The following CAMTA1 variants were observed in gnomAD, a reference collection of about 807,000 sequenced individuals.
The protein encoded by CAMTA1 is calmodulin binding transcription activator 1.
Under a neutral mutation model 170.9 loss-of-function variants are expected in CAMTA1, and 27 were observed. The ratio of observed to expected loss-of-function variants is 0.16; its 90% CI spans 0.12 to 0.22. The LOEUF is 0.22. CAMTA1 is among the 10% of genes least tolerant of loss of function. CAMTA1 has a pLI of 1.00. For synonymous variants in CAMTA1, 833 were observed against 891.5 expected (o/e 0.93, Z 1.17); for missense variants, 1,619 against 2,217.2 (o/e 0.73, Z 5.42).
chr1:7,240,456 T>C (rs1161842477), intron 4 of CAMTA1, among the ~76,000 whole-genome samples: 46 of 152,138 alleles, frequency 3.0e-4, no homozygotes, highest in Admixed American at 3.0e-3. Context: ...TTCAGTCGAA[T>C]GTTGATGTTC....
intron 3 of CAMTA1, among the ~76,000 whole-genome samples, chr1:7,078,091 C>T (rs116770237): frequency 1.3e-4 from 20 of 152,250 alleles, no homozygotes; most frequent in African/African-American, 4.8e-4. Context: ...ACACAAAGAC[C>T]AAGTGGATGC....
In CAMTA1 at chr1:7,173,684, A is replaced by G. The variant is rs1304612529; in HGVS notation, c.303-75807A>G. 6.7e-6 allele frequency among the ~76,000 whole-genome samples: 1 copy of G among 149,024 alleles called. No homozygotes were observed. Among genetic ancestry groups the G allele is most frequent in the African/African-American group, 2.5e-5 (1 of 40,384 alleles). Reference sequence around the variant, plus strand: ...ATTACAGGCGTGAGCCACCGTGCCCAGCCCAGAGCTTAATTTTTTTTTTTA... The same window carrying G: ...ATTACAGGCGTGAGCCACCGTGCCCGGCCCAGAGCTTAATTTTTTTTTTTA... On this transcript the variant is annotated intron_variant, in intron 4 of 22. Transcript: ENST00000303635. This position sits in a 1 kb window ranked among gnomAD's most constrained non-coding sequence, Gnocchi z 5.4.
rs563427144 is a variant in CAMTA1 at position 6,831,978 on chromosome 1, C to T, written c.234+6768C>T. Among the ~76,000 whole-genome samples, 35 of 152,230 alleles carry T rather than the reference C, an allele frequency of 2.3e-4. 1 individual carries two copies. The highest frequency in any genetic ancestry group is 7.9e-4 in the African/African-American group (33 of 41,556). On this transcript the variant is annotated intron_variant, in intron 3 of 22. Coordinates refer to ENST00000303635, the MANE Select transcript of CAMTA1 (RefSeq NM_015215.4). ...TCTTTAAAAATCTTGAGTACTTTTT[C>T]CCCCTAACTTTTTATATTTAGGTAA...
intron 3 of CAMTA1, among the ~76,000 whole-genome samples, chr1:6,878,850 A>G (rs1670666851): frequency 6.6e-6 from 1 of 152,158 alleles, no homozygotes; most frequent in Non-Finnish European, 1.5e-5. Context: ...CACACATGTC[A>G]TTTTCAGGCA....
chr1:6,899,554 GCACA>G (rs70984034), intron 3 of CAMTA1, among the ~76,000 whole-genome samples: 10,927 of 141,060 alleles, frequency 0.077, 516 homozygotes, highest in African/African-American at 0.14. Context: ...ACGCGCGCGC[GCACA>G]CACACACACA....
chr1:7,121,198 C>T (rs942524631), intron 4 of CAMTA1, among the ~76,000 whole-genome samples: 22 of 152,202 alleles, frequency 1.4e-4, no homozygotes, highest in African/African-American at 5.3e-4. Flanking sequence ...GGCTTTTTGC[C>T]AGGGCTGGCC....
chr1:7,539,792 C>T (rs780387028), intron 6 of CAMTA1, among the ~76,000 whole-genome samples: 6 of 152,234 alleles, frequency 3.9e-5, no homozygotes, highest in Non-Finnish European at 7.3e-5. Context: ...GCAGGGCCAA[C>T]GTGGAAGGTG....
At chr1:7,023,418 G>A (rs1701635764) in intron 3 of CAMTA1, among the ~76,000 whole-genome samples, 2 of 152,188 alleles carry the variant, frequency 1.3e-5, no homozygotes, top group Admixed American at 6.5e-5. Flanking sequence ...AAGCAGACTA[G>A]CAAATTGACC....
chr1:7,513,474 G>A (rs1245439422), intron 6 of CAMTA1, among the ~76,000 whole-genome samples: 9 of 152,068 alleles, frequency 5.9e-5, no homozygotes, highest in South Asian at 2.1e-4. Flanking sequence ...TCAAGGGGTC[G>A]GTTCCTTCCG....
intron 3 of CAMTA1, among the ~76,000 whole-genome samples, chr1:6,993,884 C>T (rs949923869): frequency 3.9e-5 from 6 of 152,054 alleles, no homozygotes; most frequent in African/African-American, 4.8e-5. Flanking sequence ...CCTACCATGT[C>T]GACATATATT....
intron 3 of CAMTA1, among the ~76,000 whole-genome samples, chr1:6,839,118 C>G (rs1654591090): frequency 6.6e-6 from 1 of 151,978 alleles, no homozygotes; most frequent in African/African-American, 2.4e-5. Context: ...TATGGTGGCT[C>G]ACGCCTGTAA....
At chr1:7,616,748 C>T (rs2095561663) in intron 6 of CAMTA1, among the ~76,000 whole-genome samples, 1 of 152,138 alleles carries the variant, frequency 6.6e-6, no homozygotes. Flanking sequence ...GACGGGGCCC[C>T]CCCACCAGAG....
chr1:7,415,344 A>G (rs2091085798), intron 5 of CAMTA1, among the ~76,000 whole-genome samples: 1 of 151,202 alleles, frequency 6.6e-6, no homozygotes, highest in Non-Finnish European at 1.5e-5. Flanking sequence ...GATCTTTCTA[A>G]TGTTGACAGT....
At chr1:7,316,707 A>G (rs1017492751) in intron 5 of CAMTA1, among the ~76,000 whole-genome samples, 4 of 152,106 alleles carry the variant, frequency 2.6e-5, no homozygotes, top group Admixed American at 2.0e-4. Flanking sequence ...GGGAGTTCAC[A>G]ATCTGGGGAG....
At chr1:7,584,903 G>A (rs548994452) in intron 6 of CAMTA1, among the ~76,000 whole-genome samples, 63 of 152,298 alleles carry the variant, frequency 4.1e-4, no homozygotes, top group Non-Finnish European at 7.6e-4. Flanking sequence ...GGAGTTATCC[G>A]GCCTACGACG....
At chr1:7,516,591 T>C (rs1254952105) in intron 6 of CAMTA1, among the ~76,000 whole-genome samples, 1 of 152,158 alleles carries the variant, frequency 6.6e-6, no homozygotes, top group Non-Finnish European at 1.5e-5. Flanking sequence ...GCTTAGACAT[T>C]TCAGGATTTC....
intron 5 of CAMTA1, among the ~76,000 whole-genome samples, chr1:7,445,966 G>A (rs908912173): frequency 2.0e-5 from 3 of 152,182 alleles, no homozygotes; most frequent in Middle Eastern, 3.4e-3. Context: ...GATGCCTGGC[G>A]TGACCTTGGA....
intron 5 of CAMTA1, among the ~76,000 whole-genome samples, chr1:7,311,031 A>C (rs994604761): frequency 6.6e-6 from 1 of 152,152 alleles, no homozygotes; most frequent in Non-Finnish European, 1.5e-5. Flanking sequence ...GTGCCCAGCC[A>C]ACAAGATTGT....
intron 3 of CAMTA1, among the ~76,000 whole-genome samples, chr1:6,860,964 CTTTTTTT>C (rs1247559136): frequency 1.6e-5 from 2 of 127,912 alleles, no homozygotes; most frequent in African/African-American, 5.7e-5. Flanking sequence ...GTGTGACTTA[CTTTTTTT>C]TTTTTTTTTT....
Sources: gnomAD v4.1 joint callset for allele counts (sites outside exome capture counted in the v4.1 genomes callset) on GRCh38, gnomAD v4.1.1 for gene constraint, Gnocchi (gnomAD v3.1) non-coding constraint, MANE v1.5 for transcripts, NCBI Gene and HGNC (gene_info 2026-07-23, HGNC 2026-07-21) for gene names.